PRKCH: variants seen among roughly 807,000 people sequenced by gnomAD.
PRKCH encodes the protein protein kinase C eta type.
PRKCH carries 28 observed loss-of-function variants against 82.5 expected under a neutral mutation model. The ratio of observed to expected loss-of-function variants is 0.34; its 90% CI spans 0.25 to 0.47. PRKCH has a LOEUF of 0.47. Among genes scored for constraint, PRKCH ranks in the 20% least tolerant of loss-of-function variants. PRKCH has a pLI of 1.00. For synonymous variants in PRKCH, 322 were observed against 327.4 expected (o/e 0.98, Z 0.18); for missense variants, 705 against 881.8 (o/e 0.80, Z 2.54).
intron 2 of PRKCH, among the ~76,000 whole-genome samples, chr14:61,426,154 C>T (rs1883097223): frequency 6.6e-6 from 1 of 152,176 alleles, no homozygotes. Context: ...TGGAGATCTC[C>T]AGCCACATTT....
intron 1 of PRKCH, among the ~76,000 whole-genome samples, chr14:61,330,584 C>T (rs890496487): frequency 6.6e-6 from 1 of 152,142 alleles, no homozygotes; most frequent in Non-Finnish European, 1.5e-5. Flanking sequence ...TTCAGAACAA[C>T]AACAAAAAGC....
chr14:61,275,184 T>C (rs1464534534), intron 1 of PRKCH, among the ~76,000 whole-genome samples: 1 of 152,232 alleles, frequency 6.6e-6, no homozygotes, highest in Non-Finnish European at 1.5e-5. Context: ...TGATTGTCAT[T>C]GCCTCATCCA....
chr14:61,239,946 T>C (rs1319046936), intron 1 of PRKCH, among the ~76,000 whole-genome samples: 1 of 152,228 alleles, frequency 6.6e-6, no homozygotes. Flanking sequence ...CACACAATTG[T>C]ATATTTTACT....
At chr14:61,488,324 C>A (rs1274561136) in intron 10 of PRKCH, among the ~76,000 whole-genome samples, 4 of 152,114 alleles carry the variant, frequency 2.6e-5, no homozygotes, top group Non-Finnish European at 5.9e-5. Flanking sequence ...CCCTGAGTGT[C>A]AATCAATCAA....
At chr14:61,218,572 C>T (rs1209708581) in intron 1 of PRKCH, among the ~76,000 whole-genome samples, 3 of 152,064 alleles carry the variant, frequency 2.0e-5, no homozygotes, top group Admixed American at 6.5e-5. Context: ...CACCGCCCCC[C>T]AATTTCAAGG....
chr14:61,202,811 A>G (rs181343307), intron 1 of PRKCH, among the ~76,000 whole-genome samples: 1 of 152,232 alleles, frequency 6.6e-6, no homozygotes, highest in East Asian at 1.9e-4. Flanking sequence ...AATTTCGCCT[A>G]TTATTAATAT....
chr14:61,447,196 CTT>C (rs1297792481), intron 4 of PRKCH, among the ~76,000 whole-genome samples: 1 of 152,172 alleles, frequency 6.6e-6, no homozygotes, highest in Non-Finnish European at 1.5e-5. Flanking sequence ...TCCAAGAAGA[CTT>C]AACATTTTTA....
intron 1 of PRKCH, chr14:61,281,477 C>T (rs180689581): frequency 1.3e-4 from 26 of 205,722 alleles, no homozygotes; most frequent in Non-Finnish European, 2.4e-4. Flanking sequence ...TCTCGCGTTT[C>T]CTCTCAGTCC....
intron 1 of PRKCH, among the ~76,000 whole-genome samples, chr14:61,233,619 A>C (rs2044762541): frequency 6.6e-6 from 1 of 152,108 alleles, no homozygotes; most frequent in Admixed American, 6.5e-5. Flanking sequence ...GGTGGGAGAC[A>C]CCTGCTGGGA....
intron 1 of PRKCH, chr14:61,298,769 C>A (rs767777762): frequency 2.6e-5 from 4 of 151,940 alleles, no homozygotes; most frequent in African/African-American, 2.4e-5. Flanking sequence ...TTTACTGTTA[C>A]CAGCGGTGAA....
chr14:61,252,583 A>G (rs957325409), intron 1 of PRKCH, among the ~76,000 whole-genome samples: 6 of 152,184 alleles, frequency 3.9e-5, no homozygotes, highest in Non-Finnish European at 7.4e-5. Flanking sequence ...GACAAATGGA[A>G]ACAGAGGCAA....
At chr14:61,344,274 G>C (rs949720635) in intron 1 of PRKCH, 4 of 152,194 alleles carry the variant, frequency 2.6e-5, no homozygotes, top group Admixed American at 1.3e-4. Context: ...CACTGAGGAA[G>C]TAGGGTGAGG....
chr14:61,474,788 C>T (rs1885657541), intron 9 of PRKCH, among the ~76,000 whole-genome samples: 2 of 152,138 alleles, frequency 1.3e-5, no homozygotes, highest in Admixed American at 1.3e-4. Flanking sequence ...AGCCAGAGGA[C>T]CAGAGAAGAG....
Position 61,466,236 on chromosome 14 carries a change from TG to T in PRKCH, c.1278+8562del, listed in dbSNP as rs557535790. 1.2e-3 allele frequency among the ~76,000 whole-genome samples: 187 copies of T among 152,314 alleles called. 2 individuals carry two copies. The highest frequency in any genetic ancestry group is 4.4e-3 in the African/African-American group (183 of 41,574). Reference sequence around the variant, plus strand: ...TAATAGGATTACATTTCTTCAACAATGGGGGTAGGAGGAATAAGCCATTATT... The same window carrying T: ...TAATAGGATTACATTTCTTCAACAATGGGGTAGGAGGAATAAGCCATTATT... On this transcript the variant is annotated intron_variant, in intron 9 of 13. Coordinates refer to ENST00000332981, the MANE Select transcript of PRKCH (RefSeq NM_006255.5).
At chr14:61,198,995 A>G (rs1269482448) in intron 1 of PRKCH, among the ~76,000 whole-genome samples, 1 of 152,124 alleles carries the variant, frequency 6.6e-6, no homozygotes, top group Non-Finnish European at 1.5e-5. Flanking sequence ...GGGATGGGGG[A>G]AGACGCTACT....
chr14:61,292,703 G>A (rs1187914446), intron 1 of PRKCH, among the ~76,000 whole-genome samples: 1 of 150,418 alleles, frequency 6.6e-6, no homozygotes, highest in African/African-American at 2.5e-5. Context: ...CCCGGGAGGC[G>A]GAGGTTGCAG....
intron 1 of PRKCH, among the ~76,000 whole-genome samples, chr14:61,343,573 G>A (rs2140140624): frequency 6.6e-6 from 1 of 152,058 alleles, no homozygotes; most frequent in South Asian, 2.1e-4. Context: ...TTTTTATGTA[G>A]CACTTTTAAA....
chr14:61,450,000 A>C (rs1272164547), intron 5 of PRKCH, among the ~76,000 whole-genome samples: 5 of 152,106 alleles, frequency 3.3e-5, no homozygotes, highest in Non-Finnish European at 7.4e-5. Context: ...TAAATTCTAG[A>C]GGTAAAAGCA....
At position 61,532,193 on chromosome 14, in the gene PRKCH, A is replaced by C. The variant is rs147760808; in HGVS notation, c.1761+1598A>C. Among the ~76,000 whole-genome samples, 132 of 152,352 alleles carry C rather than the reference A, an allele frequency of 8.7e-4. 2 individuals are homozygous for C. In the East Asian group the frequency reaches 0.022, roughly 25 times the overall value. ...TACTGTAGCTGATTTAGTAGTTTTA[A>C]TATTTAGATGAAGGACCCCACAGTT... On this transcript the variant is annotated intron_variant, in intron 12 of 13. Transcript: ENST00000332981.
Sources: gnomAD v4.1 joint callset for allele counts (sites outside exome capture counted in the v4.1 genomes callset) on GRCh38, gnomAD v4.1.1 for gene constraint, MANE v1.5 for transcripts, NCBI Gene and HGNC (gene_info 2026-07-23, HGNC 2026-07-21) for gene names.